The following SLC30A8 variants were observed in gnomAD, a reference collection of about 807,000 sequenced individuals.
SLC30A8 encodes the protein solute carrier family 30 member 8, also known as proton-coupled zinc antiporter SLC30A8.
Under a neutral mutation model 36.9 loss-of-function variants are expected in SLC30A8, and 27 were observed. That is an observed-to-expected ratio of 0.73 (90% CI 0.54 to 1.01). The LOEUF is 1.01. Among genes scored for constraint, SLC30A8 ranks in the 50% least tolerant of loss-of-function variants. The pLI, the probability that SLC30A8 is intolerant of heterozygous loss-of-function variation, is 0.00. For synonymous variants in SLC30A8, 164 were observed against 172.4 expected, an observed-to-expected ratio of 0.95 and a Z score of 0.38; for missense variants, 439 against 452.0, an observed-to-expected ratio of 0.97 and a Z score of 0.26.
At position 116,984,353 on chromosome 8, in the gene SLC30A8, T is replaced by C. The variant is rs1046159444; in HGVS notation, c.-266+33234T>C. Among the ~76,000 whole-genome samples the C allele has an allele frequency of 2.0e-5, 3 of 152,190 alleles. No individual in the cohort carries two copies. In the East Asian group the frequency reaches 5.8e-4, roughly 29 times the overall value. ...GGAGTACAACTGTTAAGTCATATAG[T>C]AGTTGCATGTTTAGTTTTTTAAGAA... On this transcript the variant is annotated intron_variant, in intron 1 of 10. Coordinates refer to the SLC30A8 transcript ENST00000427715.
chr8:116,991,203 A>T (rs773444642), intron 1 of SLC30A8, among the ~76,000 whole-genome samples: 2 of 151,542 alleles, frequency 1.3e-5, no homozygotes, highest in Non-Finnish European at 2.9e-5. Flanking sequence ...TTGCACTTTT[A>T]CTCTCAAATA....
intron 1 of SLC30A8, among the ~76,000 whole-genome samples, chr8:117,010,669 T>G (rs533886065): frequency 6.6e-6 from 1 of 152,300 alleles, no homozygotes; most frequent in Non-Finnish European, 1.5e-5. Context: ...ACTGGGTAAT[T>G]TACAAAGAAA....
intron 1 of SLC30A8, among the ~76,000 whole-genome samples, chr8:116,996,346 CTTTAT>C (rs1413185929): frequency 6.6e-6 from 1 of 152,030 alleles, no homozygotes; most frequent in African/African-American, 2.4e-5. Context: ...CATTGTCTGT[CTTTAT>C]TTTATTTTAA....
chr8:117,108,641 C>G (rs937509460), intron 2 of SLC30A8, among the ~76,000 whole-genome samples: 3 of 152,210 alleles, frequency 2.0e-5, no homozygotes, highest in African/African-American at 7.2e-5. Flanking sequence ...GCTTCACTCA[C>G]ACGGCTTCTT....
intron 1 of SLC30A8, among the ~76,000 whole-genome samples, chr8:116,958,966 C>T (rs943315496): frequency 1.3e-5 from 2 of 148,972 alleles, no homozygotes; most frequent in African/African-American, 4.9e-5. Flanking sequence ...TCTCCTGCCT[C>T]AGCCTCCCGA....
intron 1 of SLC30A8, 77 bp from the exon 2 acceptor site, chr8:117,146,877 A>C (rs541885243): frequency 6.3e-7 from 1 of 1,590,788 alleles, no homozygotes; most frequent in Non-Finnish European, 8.6e-7. Flanking sequence ...AGCGGTTCCA[A>C]GTATGGGCAG....
At chr8:116,977,201 T>G (rs1367428318) in intron 1 of SLC30A8, among the ~76,000 whole-genome samples, 2 of 124,640 alleles carry the variant, frequency 1.6e-5, no homozygotes, top group African/African-American at 6.2e-5. Flanking sequence ...CAGGCTGGAG[T>G]GCAGTGGCAC....
At chr8:116,954,407 T>C (rs1394822035) in intron 1 of SLC30A8, among the ~76,000 whole-genome samples, 1 of 152,126 alleles carries the variant, frequency 6.6e-6, no homozygotes, top group Non-Finnish European at 1.5e-5. Flanking sequence ...TCATCATAAA[T>C]GTCAACATCT....
At chr8:116,991,398 C>T (rs981453244) in intron 1 of SLC30A8, among the ~76,000 whole-genome samples, 7 of 151,842 alleles carry the variant, frequency 4.6e-5, no homozygotes, top group East Asian at 1.9e-4. Flanking sequence ...CTATGCCTCC[C>T]GGTTCAAGCA....
chr8:117,061,067 G>A (rs1818012745), intron 2 of SLC30A8, among the ~76,000 whole-genome samples: 1 of 152,094 alleles, frequency 6.6e-6, no homozygotes, highest in South Asian at 2.1e-4. Context: ...TCATTTGCTT[G>A]GACAGAAAAC....
chr8:117,083,472 A>G (rs1177935121), intron 2 of SLC30A8, among the ~76,000 whole-genome samples: 5 of 152,262 alleles, frequency 3.3e-5, no homozygotes, highest in African/African-American at 1.2e-4. Context: ...GAACCATTTG[A>G]GCTCCAGGAC....
chr8:117,040,946 G>A (rs1817367185), intron 2 of SLC30A8, among the ~76,000 whole-genome samples: 1 of 152,072 alleles, frequency 6.6e-6, no homozygotes, highest in South Asian at 2.1e-4. Context: ...GGCCCATGAT[G>A]TTGCATTTCT....
chr8:117,130,787 C>T (rs934076095), upstream of SLC30A8, among the ~76,000 whole-genome samples: 15 of 151,810 alleles, frequency 9.9e-5, 1 homozygote, highest in South Asian at 8.3e-4. Flanking sequence ...ACCTAGAGGG[C>T]GTTTTTGAGG....
At chr8:117,098,871 A>G (rs764112837) in intron 2 of SLC30A8, among the ~76,000 whole-genome samples, 1 of 152,188 alleles carries the variant, frequency 6.6e-6, no homozygotes, top group Non-Finnish European at 1.5e-5. Flanking sequence ...GAAAAAGGTG[A>G]TAACATATAA....
chr8:117,089,462 A>G (rs1819017693), intron 2 of SLC30A8, among the ~76,000 whole-genome samples: 1 of 152,118 alleles, frequency 6.6e-6, no homozygotes, highest in Admixed American at 6.5e-5. Flanking sequence ...CCAAATCTGA[A>G]ATCTGACTCC....
chr8:116,979,749 A>G (rs1384623610), intron 1 of SLC30A8, among the ~76,000 whole-genome samples: 1 of 152,162 alleles, frequency 6.6e-6, no homozygotes, highest in East Asian at 1.9e-4. Context: ...GGGCCCCTGA[A>G]ATAAGGCATT....
At chr8:117,103,221 G>A (rs937896204) in intron 2 of SLC30A8, among the ~76,000 whole-genome samples, 1 of 151,946 alleles carries the variant, frequency 6.6e-6, no homozygotes, top group African/African-American at 2.4e-5. Context: ...ACAGCCACAG[G>A]GTAGAAAATT....
intron 1 of SLC30A8, chr8:116,951,200 T>G (rs1289286625): frequency 1.3e-5 from 2 of 152,222 alleles, no homozygotes; most frequent in Non-Finnish European, 2.9e-5. Flanking sequence ...ATAATCATCT[T>G]TAAGATTCTT....
chr8:117,080,452 C>T (rs541213905), intron 2 of SLC30A8, among the ~76,000 whole-genome samples: 3 of 152,228 alleles, frequency 2.0e-5, no homozygotes, highest in East Asian at 1.9e-4. Flanking sequence ...CTCTTACCCA[C>T]GTAGTGAGCA....
Sources: allele counts gnomAD v4.1 joint callset (sites outside exome capture counted in the v4.1 genomes callset), GRCh38; gene constraint gnomAD v4.1.1; transcripts MANE v1.5; gene names NCBI Gene and HGNC (gene_info 2026-07-23, HGNC 2026-07-21).